The following SLC6A5 variants were observed in gnomAD, a reference collection of about 807,000 sequenced individuals.
The protein encoded by SLC6A5 is solute carrier family 6 member 5, also known as sodium- and chloride-dependent glycine transporter 2.
A neutral mutation model predicts 90.5 loss-of-function variants in SLC6A5; 58 were observed. That is an observed-to-expected ratio of 0.64 (90% confidence interval 0.52 to 0.80). The LOEUF (loss-of-function observed/expected upper bound fraction) is 0.80, where lower values mean the gene tolerates loss of function less well. Among genes scored for constraint, SLC6A5 ranks in the 30% least tolerant of loss-of-function variants. The probability of loss-of-function intolerance (pLI) is 0.00; values close to 1 mark genes in which losing one functional copy is unlikely to be tolerated. For synonymous variants in SLC6A5, 427 were observed against 401.4 expected (o/e 1.06, Z -0.76); for missense variants, 1,015 against 1,017.6 (o/e 1.00, Z 0.03).
chr11:20,636,522 G>A, intron 11 of SLC6A5, 103 bp downstream of exon 11: 3 of 761,796 alleles, frequency 3.9e-6, no homozygotes, highest in Non-Finnish European at 7.1e-6. Context: ...GCTTACGGGT[G>A]TCTGAATGTT....
At chr11:20,640,506 A>T (rs1039366212) in intron 13 of SLC6A5, among the ~76,000 whole-genome samples, 1 of 152,108 alleles carries the variant, frequency 6.6e-6, no homozygotes, top group East Asian at 1.9e-4. Flanking sequence ...CCACCCAGGG[A>T]ATCCCCTGGT....
intron 7 of SLC6A5, among the ~76,000 whole-genome samples, chr11:20,621,058 C>T (rs1852879985): frequency 1.3e-5 from 2 of 152,178 alleles, no homozygotes; most frequent in African/African-American, 2.4e-5. Context: ...CTACCTTAGC[C>T]TCCCAAGGTG....
In SLC6A5 at chr11:20,659,236, AATGT is replaced by A. The variant is rs1461534549; in HGVS notation, c.*4372_*4375del. The A allele has an allele frequency of 6.6e-6, 1 of 152,084 alleles. No individual in the cohort carries two copies. The highest frequency in any genetic ancestry group is 2.4e-5 in the African/African-American group (1 of 41,428). 9.4% of individuals were successfully genotyped at this position (152,084 alleles called of 1,614,324 possible). ...GATATAAATTAGAATTTACCCTAATAATGTATGAGTTCACAAAACCCTAAATAAA... is the reference window on the plus strand; with the variant it reads ...GATATAAATTAGAATTTACCCTAATAATGAGTTCACAAAACCCTAAATAAA... On this transcript the variant is annotated 3_prime_UTR_variant, in exon 16 of 16. Transcript: ENST00000525748.
intron 10 of SLC6A5, 50 bp downstream of exon 10, chr11:20,630,865 G>A: frequency 6.2e-7 from 1 of 1,606,140 alleles, no homozygotes; most frequent in South Asian, 1.1e-5. Flanking sequence ...CCAGGCTCAT[G>A]TCACAAGCTC....
chr11:20,645,198 G>C (rs1261228152), intron 13 of SLC6A5, among the ~76,000 whole-genome samples: 1 of 152,078 alleles, frequency 6.6e-6, no homozygotes, highest in African/African-American at 2.4e-5. Context: ...AGCCCAGCAA[G>C]AGATTATCTT....
In SLC6A5 at chr11:20,646,826, AT is replaced by A; in HGVS notation, c.1970-5del. The A allele has an allele frequency of 6.3e-7, 1 of 1,597,066 alleles. No individual in the cohort carries two copies. Among genetic ancestry groups the A allele is most frequent in the Non-Finnish European group, 8.6e-7 (1 of 1,164,844 alleles). On this transcript the variant is annotated splice_polypyrimidine_tract_variant and splice_region_variant and intron_variant, in intron 13 of 15. Coordinates refer to ENST00000525748, the MANE Select transcript of SLC6A5 (RefSeq NM_004211.5). ...CCTTATACCTGTTCTCTGCTTGTCT[AT>A]TTGCAGGCTTGCAAAGATTCTGTGA...
intron 5 of SLC6A5, among the ~76,000 whole-genome samples, chr11:20,614,047 G>T (rs1852740288): frequency 6.6e-6 from 1 of 152,072 alleles, no homozygotes; most frequent in Non-Finnish European, 1.5e-5. Flanking sequence ...CCCGGTAGAC[G>T]GCGTGGTTGC....
chr11:20,627,796 G>A (rs1853027510), intron 8 of SLC6A5, among the ~76,000 whole-genome samples, 184 bp from the exon 9 acceptor site: 1 of 152,056 alleles, frequency 6.6e-6, no homozygotes, highest in South Asian at 2.1e-4. Context: ...AATCTCCCAG[G>A]TAATTGACTA....
At chr11:20,637,418 C>T in intron 12 of SLC6A5, 115 bp downstream of exon 12, 1 of 905,438 alleles carries the variant, frequency 1.1e-6, no homozygotes. Flanking sequence ...AAATCACTAC[C>T]ATTTCCATGT....
At chr11:20,626,096 G>T (rs549895996) in intron 7 of SLC6A5, among the ~76,000 whole-genome samples, 6 of 152,326 alleles carry the variant, frequency 3.9e-5, no homozygotes, top group Admixed American at 6.5e-5. Context: ...TTAGCTCATT[G>T]AATCCTCACG....
intron 6 of SLC6A5, among the ~76,000 whole-genome samples, chr11:20,616,461 TG>T (rs1473383780): frequency 6.6e-6 from 1 of 152,236 alleles, no homozygotes; most frequent in African/African-American, 2.4e-5. Context: ...GGGCCAGTCT[TG>T]ATTTCTAAGA....
At chr11:20,613,124 C>A (rs1321089676) in intron 5 of SLC6A5, among the ~76,000 whole-genome samples, 1 of 152,212 alleles carries the variant, frequency 6.6e-6, no homozygotes, top group African/African-American at 2.4e-5. Context: ...AAAGAGAGAG[C>A]TTGTTTACAT....
intron 5 of SLC6A5, among the ~76,000 whole-genome samples, chr11:20,610,096 C>G (rs998176151): frequency 6.6e-6 from 1 of 152,232 alleles, no homozygotes; most frequent in Admixed American, 6.5e-5. Flanking sequence ...GATTCCTTTT[C>G]TCCCTGGTCT....
rs778603956 is a variant in SLC6A5 at position 20,607,135 on chromosome 11, C to T, written c.808C>T (p.Gln270Ter). 1.9e-6 allele frequency: 3 copies of T among 1,613,124 alleles called. No homozygotes were observed. The highest frequency in any genetic ancestry group is 1.1e-5 in the South Asian group (1 of 90,820). ...VSVWKAIPAL[Q>*]GCGIAMLIIS... ...TGTGTGGAAGGCCATCCCAGCTCTA[C>T]AAGGTGAGTCCAGCCTGCCGCTCAG... is the stretch of plus-strand genomic sequence containing the variant. The change falls in exon 4 of 16, where the codon CAA becomes TAA. Residue 270 changes from glutamine to a stop codon, truncating the protein, a stop_gained. Coordinates refer to ENST00000525748, the MANE Select transcript of SLC6A5 (RefSeq NM_004211.5). LOFTEE classifies it high-confidence loss of function.
intron 9 of SLC6A5, 97 bp from the exon 10 acceptor site, chr11:20,630,594 C>T: frequency 1.5e-6 from 2 of 1,374,150 alleles, no homozygotes; most frequent in East Asian, 2.3e-5. Context: ...TACACATGTG[C>T]AGACAAACAT....
At chr11:20,614,364 C>G (rs991620427) in intron 5 of SLC6A5, among the ~76,000 whole-genome samples, 1 of 152,172 alleles carries the variant, frequency 6.6e-6, no homozygotes, top group African/African-American at 2.4e-5. Flanking sequence ...TATAGTACCT[C>G]CTGCATAGGC....
Position 20,637,190 on chromosome 11 carries a change from A to G in SLC6A5, c.1756A>G (p.Ile586Val). The G allele has an allele frequency of 1.2e-6, 2 of 1,614,046 alleles. No individual in the cohort carries two copies. The highest frequency in any genetic ancestry group is 1.7e-6 in the Non-Finnish European group (2 of 1,179,942). Residue 586 changes from isoleucine (I) to valine (V), a missense_variant, in exon 12 of 16, where the codon ATA becomes GTA. By Grantham distance (29) the Ile-to-Val change is conservative. Transcript: ENST00000525748. ...LDTMFATIET[I>V]VTSISDEFPK... Reference sequence around the variant, plus strand: ...GTTCCAGTTTGCCACCATCGAGACCATAGTGACCTCCATCTCAGACGAGTT... The same window carrying G: ...GTTCCAGTTTGCCACCATCGAGACCGTAGTGACCTCCATCTCAGACGAGTT...
At chr11:20,623,265 G>A (rs996001491) in intron 7 of SLC6A5, among the ~76,000 whole-genome samples, 3 of 151,008 alleles carry the variant, frequency 2.0e-5, no homozygotes, top group African/African-American at 4.9e-5. Context: ...GTTCGGCCTT[G>A]AGTAATTGAG....
chr11:20,642,219 G>A (rs1011883126), intron 13 of SLC6A5, among the ~76,000 whole-genome samples: 65 of 148,660 alleles, frequency 4.4e-4, no homozygotes, highest in Non-Finnish European at 1.0e-4. Context: ...TGTGCTCAGA[G>A]AGGAACCACA....
Sources: allele counts gnomAD v4.1 joint callset (sites outside exome capture counted in the v4.1 genomes callset), GRCh38; gene constraint gnomAD v4.1.1; transcripts MANE v1.5; gene names NCBI Gene and HGNC (gene_info 2026-07-23, HGNC 2026-07-21).